RNF185: variants seen among roughly 807,000 people sequenced by gnomAD.
RNF185 encodes ring finger protein 185, also known as E3 ubiquitin-protein ligase RNF185.
Under a neutral mutation model 24.9 loss-of-function variants are expected in RNF185, and 13 were observed. The observed-to-expected ratio is 0.52, with a 90% CI of 0.34 to 0.83. The LOEUF (loss-of-function observed/expected upper bound fraction) is 0.83. Among genes scored for constraint, RNF185 ranks in the 40% least tolerant of loss-of-function variants. The pLI, the probability that RNF185 is intolerant of heterozygous loss-of-function variation, is 0.01. For synonymous variants in RNF185, 79 were observed against 90.3 expected (o/e 0.88, Z 0.71); for missense variants, 184 against 244.7 (o/e 0.75, Z 1.65).
At chr22:31,192,799 C>CACAAGCAGGGCAGA in intron 3 of RNF185, 97 bp downstream of exon 3, 2 of 1,153,456 alleles carry the variant, frequency 1.7e-6, no homozygotes, top group Non-Finnish European at 2.6e-6. Context: ...GCAATCTGCC[C>CACAAGCAGGGCAGA]TGCTTGTGGG....
chr22:31,176,614 G>A lies in RNF185; in HGVS notation c.-48-10433G>A, dbSNP rs1218095227. ...CACCATTCTCCTGCCTCAGCCTCCCGAGTTGCTGGGACTACAGGTGCCCGC... is the reference window on the plus strand; with the variant it reads ...CACCATTCTCCTGCCTCAGCCTCCCAAGTTGCTGGGACTACAGGTGCCCGC... On this transcript the variant is annotated intron_variant, in intron 1 of 6. Transcript: ENST00000326132. 2.7e-5 allele frequency among the ~76,000 whole-genome samples: 4 copies of A among 150,642 alleles called. 1 individual carries two copies. The highest frequency in any genetic ancestry group is 6.6e-5 in the Admixed American group (1 of 15,078).
intron 1 of RNF185, among the ~76,000 whole-genome samples, chr22:31,182,017 T>G (rs1434562400): frequency 6.7e-6 from 1 of 149,956 alleles, no homozygotes; most frequent in Non-Finnish European, 1.5e-5. Context: ...AATATATATA[T>G]ATTTAAAAAA....
In RNF185 at chr22:31,187,166, C is replaced by T; in HGVS notation, c.72C>T (p.Ser24=). 1 of 1,613,858 alleles carries T rather than the reference C, an allele frequency of 6.2e-7. No individual in the cohort carries two copies. The highest frequency in any genetic ancestry group is 8.5e-7 in the Non-Finnish European group (1 of 1,179,866). Residue 24 remains serine, a synonymous_variant, in exon 2 of 7, where the codon AGC becomes AGT. Coordinates refer to ENST00000326132, the MANE Select transcript of RNF185 (RefSeq NM_152267.4). ...GTGCAGGGGGGCCCAGTGGGAGCAG[C>T]AATGGCGCTGGCGAGAGCGGAGGGC... ...NSSAGGPSGS[S]NGAGESGGQD...
At chr22:31,183,278 A>G (rs1369357639) in intron 1 of RNF185, among the ~76,000 whole-genome samples, 1 of 152,038 alleles carries the variant, frequency 6.6e-6, no homozygotes, top group African/African-American at 2.4e-5. Context: ...AACATGTTTC[A>G]TTGGTGGTGC....
intron 1 of RNF185, among the ~76,000 whole-genome samples, chr22:31,169,696 G>A (rs771334459): frequency 1.9e-4 from 29 of 152,224 alleles, no homozygotes; most frequent in African/African-American, 5.1e-4. Flanking sequence ...ACAGGCATGC[G>A]CCACTGCTCT....
chr22:31,196,023 C>T (rs2048202192), intron 4 of RNF185, among the ~76,000 whole-genome samples: 1 of 152,188 alleles, frequency 6.6e-6, no homozygotes. Flanking sequence ...CATGGTCTGG[C>T]ATCCCCAAGC....
chr22:31,184,469 C>G (rs1156407624), intron 1 of RNF185, among the ~76,000 whole-genome samples: 3 of 149,390 alleles, frequency 2.0e-5, no homozygotes, highest in African/African-American at 7.4e-5. Flanking sequence ...ACATCCCAGA[C>G]GATGGGCGGC....
chr22:31,175,576 T>C (rs1201482084), intron 1 of RNF185, among the ~76,000 whole-genome samples: 4 of 152,078 alleles, frequency 2.6e-5, no homozygotes, highest in East Asian at 3.9e-4. Context: ...TCCCTGGGGG[T>C]ATTCAGCACT....
At chr22:31,188,555 A>C (rs1341695665) in intron 2 of RNF185, among the ~76,000 whole-genome samples, 1 of 152,184 alleles carries the variant, frequency 6.6e-6, no homozygotes, top group Non-Finnish European at 1.5e-5. Context: ...GGCTGGGCTC[A>C]GTGGCTCACA....
intron 4 of RNF185, among the ~76,000 whole-genome samples, chr22:31,196,295 T>C (rs943662147): frequency 5.9e-5 from 9 of 152,156 alleles, no homozygotes; most frequent in Non-Finnish European, 7.3e-5. Context: ...CATTAGTTGC[T>C]CTCACCCAGT....
intron 1 of RNF185, among the ~76,000 whole-genome samples, chr22:31,164,674 C>CA (rs907908640): frequency 1.3e-5 from 2 of 151,058 alleles, no homozygotes; most frequent in African/African-American, 4.9e-5. Context: ...CTGCAACCCC[C>CA]CTCCCGGGTT....
At chr22:31,163,654 T>TA (rs1923719306) in intron 1 of RNF185, among the ~76,000 whole-genome samples, 1 of 130,204 alleles carries the variant, frequency 7.7e-6, no homozygotes, top group Non-Finnish European at 1.6e-5. Flanking sequence ...CTTTTTATTT[T>TA]ATTTTATTTA....
At chr22:31,170,766 T>C (rs2047921037) in intron 1 of RNF185, among the ~76,000 whole-genome samples, 1 of 152,100 alleles carries the variant, frequency 6.6e-6, no homozygotes, top group South Asian at 2.1e-4. Flanking sequence ...CACCTTGTAC[T>C]CCCAAAGTGC....
chr22:31,167,239 C>A (rs1923982298), intron 1 of RNF185, among the ~76,000 whole-genome samples: 1 of 152,054 alleles, frequency 6.6e-6, no homozygotes, highest in Non-Finnish European at 1.5e-5. Context: ...GTAGTGGCAA[C>A]TCACTGCAGC....
chr22:31,176,723 C>T lies in RNF185; in HGVS notation c.-48-10324C>T, dbSNP rs554203655. ...CAGGATGGTCTCGATCTCCTGACCT[C>T]GTGATCCGCCTGCCTCAGCCTCCCA... On this transcript the variant is annotated intron_variant, in intron 1 of 6. Coordinates refer to ENST00000326132, the MANE Select transcript of RNF185 (RefSeq NM_152267.4). 2.0e-5 allele frequency among the ~76,000 whole-genome samples: 3 copies of T among 151,394 alleles called. No individual in the cohort carries two copies. The South Asian group carries it at 6.3e-4, about 32-fold the overall frequency.
rs1270486496 is a variant in RNF185 at position 31,201,410 on chromosome 22, C to G, written c.364-88C>G. The G allele has an allele frequency of 1.5e-5, 14 of 947,144 alleles. No individual in the cohort carries two copies. The Admixed American group carries it at 2.4e-4, about 16-fold the overall frequency. 58.7% of individuals were successfully genotyped at this position (947,144 alleles called of 1,614,324 possible). A position where few individuals can be genotyped will look rare whatever the true frequency, so the allele number is the denominator to read the frequency against. On this transcript the variant is annotated intron_variant, in intron 5 of 6. Coordinates refer to ENST00000326132, the MANE Select transcript of RNF185 (RefSeq NM_152267.4). The stretch of plus-strand genomic sequence containing the variant: ...AGGGAGAAGAGGCAGGTGCCACATG[C>G]AAGACAACGTGAGGTATGTTGAGTT...
chr22:31,190,923 A>G (rs1318184679), intron 2 of RNF185, among the ~76,000 whole-genome samples: 4 of 152,196 alleles, frequency 2.6e-5, no homozygotes, highest in Non-Finnish European at 5.9e-5. Context: ...GTATGTTTAA[A>G]TACACAAATA....
intron 1 of RNF185, 121 bp from the exon 2 acceptor site, chr22:31,186,926 A>C: frequency 1.4e-6 from 1 of 722,034 alleles, no homozygotes; most frequent in Non-Finnish European, 2.3e-6. Context: ...GCGCTTTGGG[A>C]AGTCTGCTCA....
intron 1 of RNF185, among the ~76,000 whole-genome samples, chr22:31,175,998 A>G (rs1316383875): frequency 6.6e-6 from 1 of 152,086 alleles, no homozygotes; most frequent in East Asian, 1.9e-4. Context: ...CCTGGCCTCA[A>G]CCAATCCTCC....
Sources: gnomAD v4.1 joint callset for allele counts (sites outside exome capture counted in the v4.1 genomes callset) on GRCh38, gnomAD v4.1.1 for gene constraint, MANE v1.5 for transcripts, NCBI Gene and HGNC (gene_info 2026-07-23, HGNC 2026-07-21) for gene names.